The following MYCBP variants were observed in gnomAD, a reference collection of about 807,000 sequenced individuals.
The protein encoded by MYCBP is C-Myc-binding protein.
MYCBP carries 5 observed loss-of-function variants against 16.8 expected under a neutral mutation model. The observed-to-expected ratio is 0.30, with a 90% CI of 0.16 to 0.63. The LOEUF is 0.63. Among genes scored for constraint, MYCBP ranks in the 20% least tolerant of loss-of-function variants. The pLI is 0.83. For synonymous variants in MYCBP, 35 were observed against 43.7 expected (o/e 0.80, Z 0.79); for missense variants, 103 against 121.8 (o/e 0.85, Z 0.73).
At chr1:38,869,090 T>G (rs150160665) in intron 2 of MYCBP, among the ~76,000 whole-genome samples, 1,945 of 151,756 alleles carry the variant, frequency 0.013, 49 homozygotes, top group African/African-American at 0.044. Context: ...GGTTTTTTTT[T>G]TTTGTTTTTT....
rs1642301127 is a variant in MYCBP at position 38,864,660 on chromosome 1, GAGA to G, written c.*7_*9del. 1 of 1,613,716 alleles carries G rather than the reference GAGA, an allele frequency of 6.2e-7. No homozygotes were observed. Among genetic ancestry groups the G allele is most frequent in the Admixed American group, 1.7e-5 (1 of 60,018 alleles). The stretch of plus-strand genomic sequence containing the variant: ...ACCATTTTTCATTGTCTTTCAAACT[GAGA>G]AGAATCCTATTCAGCACGCTTCTCC... On this transcript the variant is annotated 3_prime_UTR_variant, in exon 5 of 5. Transcript: ENST00000397572.
Position 38,864,160 on chromosome 1 carries a change from T to C in MYCBP, c.*510A>G, listed in dbSNP as rs1407651835. 6.4e-6 allele frequency: 1 copy of C among 155,644 alleles called. No homozygotes were observed. The highest frequency in any genetic ancestry group is 2.4e-5 in the African/African-American group (1 of 41,476). 9.6% of individuals were successfully genotyped at this position (155,644 alleles called of 1,614,324 possible). ...ACACACACAGTTATCTAAGGCAAAG[T>C]GGTGGCAAAGAAGTTATTTGTTCCA... On this transcript the variant is annotated 3_prime_UTR_variant, in exon 5 of 5. Coordinates refer to ENST00000397572, the MANE Select transcript of MYCBP (RefSeq NM_012333.5).
At chr1:38,868,988 T>G (rs1570885963) in intron 2 of MYCBP, among the ~76,000 whole-genome samples, 1 of 152,302 alleles carries the variant, frequency 6.6e-6, no homozygotes, top group East Asian at 1.9e-4. Flanking sequence ...TAAACCAACT[T>G]ACATACTTCC....
intron 2 of MYCBP, among the ~76,000 whole-genome samples, chr1:38,871,416 C>T (rs1022367040): frequency 6.7e-6 from 1 of 149,854 alleles, no homozygotes; most frequent in Admixed American, 6.9e-5. Flanking sequence ...ACACACACAT[C>T]CCACCTGTCA....
intron 2 of MYCBP, among the ~76,000 whole-genome samples, chr1:38,871,454 A>G (rs964510931): frequency 1.5e-5 from 2 of 136,948 alleles, no homozygotes; most frequent in Admixed American, 7.8e-5. Flanking sequence ...TTTTGGAGAC[A>G]GAGTGTCACT....
chr1:38,864,563 C>T lies in MYCBP; in HGVS notation c.*107G>A. On this transcript the variant is annotated 3_prime_UTR_variant, in exon 5 of 5. Coordinates refer to ENST00000397572, the MANE Select transcript of MYCBP (RefSeq NM_012333.5). ...AACAGAGTGTGATAGGTGAATTAAA[C>T]ATATTAAAAGAGTTCTATAGCATCT... is the stretch of plus-strand genomic sequence containing the variant. 9.0e-7 allele frequency: 1 copy of T among 1,114,188 alleles called. No homozygotes were observed. Among genetic ancestry groups the T allele is most frequent in the Non-Finnish European group, 1.3e-6 (1 of 742,708 alleles). 69.0% of individuals were successfully genotyped at this position (1,114,188 alleles called of 1,614,324 possible).
rs1008029467 is a variant in MYCBP, at chr1:38,863,002, A to G, written c.*1668T>C. Reference sequence around the variant, plus strand: ...CCTCACGGGGCCATGCTTTATTATAATGGTCTGCCACAGGTCCTAACCCAC... The same window carrying G: ...CCTCACGGGGCCATGCTTTATTATAGTGGTCTGCCACAGGTCCTAACCCAC... On this transcript the variant is annotated 3_prime_UTR_variant, in exon 5 of 5. Transcript: ENST00000397572. The G allele has an allele frequency of 2.0e-5, 3 of 152,226 alleles. No individual in the cohort carries two copies. The highest frequency in any genetic ancestry group is 7.2e-5 in the African/African-American group (3 of 41,458). 9.4% of individuals were successfully genotyped at this position (152,226 alleles called of 1,614,324 possible).
chr1:38,863,646 C>T lies in MYCBP; in HGVS notation c.*1024G>A, dbSNP rs1181912812. On this transcript the variant is annotated 3_prime_UTR_variant, in exon 5 of 5. Transcript: ENST00000397572. ...CTCAGAGTAGTTCACTGATAATGCC[C>T]AAGGCTCTACAGTTAGTGAGTGATT... The T allele has an allele frequency of 6.6e-6, 1 of 152,594 alleles. No individual in the cohort carries two copies. The highest frequency in any genetic ancestry group is 1.5e-5 in the Non-Finnish European group (1 of 68,042). 9.5% of individuals were successfully genotyped at this position (152,594 alleles called of 1,614,324 possible).
Position 38,872,874 on chromosome 1 carries a change from C to G in MYCBP, c.88+144G>C, listed in dbSNP as rs146759219. On this transcript the variant is annotated intron_variant, in intron 2 of 4. Coordinates refer to ENST00000397572, the MANE Select transcript of MYCBP (RefSeq NM_012333.5). Reference sequence around the variant, plus strand: ...GCGGCGTCCAGCAGCCAGGTCCCTGCTGAACCCCGAGGCCCACCTCGCTGG... The same window carrying G: ...GCGGCGTCCAGCAGCCAGGTCCCTGGTGAACCCCGAGGCCCACCTCGCTGG... The G allele has an allele frequency of 9.8e-4, 918 of 936,096 alleles. 16 individuals are homozygous for G. In the East Asian group the frequency reaches 0.022, roughly 22 times the overall value. The allele number at this position is 936,096 out of a possible 1,614,324, so 58.0% of individuals were successfully genotyped here.
chr1:38,865,205 T>C (rs572369544), intron 4 of MYCBP, among the ~76,000 whole-genome samples: 1 of 152,368 alleles, frequency 6.6e-6, no homozygotes, highest in South Asian at 2.1e-4. Flanking sequence ...TTAAAATAAC[T>C]GCATTTTCTT....
Position 38,864,295 on chromosome 1 carries a change from A to G in MYCBP, c.*375T>C, listed in dbSNP as rs1244041622. 1.2e-5 allele frequency: 3 copies of G among 248,320 alleles called. No individual in the cohort carries two copies. The highest frequency in any genetic ancestry group is 6.8e-5 in the African/African-American group (3 of 43,820). 15.4% of individuals were successfully genotyped at this position (248,320 alleles called of 1,614,324 possible). A position where few individuals can be genotyped will look rare whatever the true frequency, so the allele number is the denominator to read the frequency against. On this transcript the variant is annotated 3_prime_UTR_variant, in exon 5 of 5. Transcript: ENST00000397572. ...GAATATACAGAACAGTGTCACCTTC[A>G]AAGAATGACTGTACCTGTGTTCATA...
At chr1:38,866,361 G>A (rs928265084) in intron 4 of MYCBP, among the ~76,000 whole-genome samples, 1 of 149,030 alleles carries the variant, frequency 6.7e-6, no homozygotes, top group African/African-American at 2.5e-5. Flanking sequence ...ACCTCTTCTT[G>A]ACCACACTTT....
rs1033774956 is a variant in MYCBP, at chr1:38,863,207, T to C, written c.*1463A>G. The C allele has an allele frequency of 2.6e-5, 4 of 152,240 alleles. No individual in the cohort carries two copies. The highest frequency in any genetic ancestry group is 9.6e-5 in the African/African-American group (4 of 41,458). 9.4% of individuals were successfully genotyped at this position (152,240 alleles called of 1,614,324 possible). A position where few individuals can be genotyped will look rare whatever the true frequency, so the allele number is the denominator to read the frequency against. On this transcript the variant is annotated 3_prime_UTR_variant, in exon 5 of 5. Coordinates refer to ENST00000397572, the MANE Select transcript of MYCBP (RefSeq NM_012333.5). ...TTGTGACTAGAAGAGGCACCAGCCA[T>C]AGCCACATTCCTACTAACAGGGCTG...
intron 3 of MYCBP, 113 bp downstream of exon 3, chr1:38,867,446 CAAA>C (rs11338710): frequency 0.011 from 6,528 of 616,406 alleles, no homozygotes; most frequent in South Asian, 0.016. Context: ...GACTCCGTCT[CAAA>C]AAAAAAAAAA....
rs12127597 is a variant in MYCBP at position 38,867,128 on chromosome 1, A to G, written c.138-119T>C. The G allele has an allele frequency of 2.8e-3, 2,788 of 980,992 alleles. 4 individuals carry two copies. Among genetic ancestry groups the G allele is most frequent in the Non-Finnish European group, 3.8e-3 (2,579 of 672,430 alleles). The allele number at this position is 980,992 out of a possible 1,614,324, so 60.8% of individuals were successfully genotyped here. ...CTTTACCACCAATATCTACCCAGAG[A>G]TCACCATCCAAAAACTCAAGTGAAA... On this transcript the variant is annotated intron_variant, in intron 3 of 4. Coordinates refer to ENST00000397572, the MANE Select transcript of MYCBP (RefSeq NM_012333.5).
intron 4 of MYCBP, among the ~76,000 whole-genome samples, chr1:38,866,349 G>A (rs1642338408): frequency 6.6e-6 from 1 of 151,398 alleles, no homozygotes; most frequent in South Asian, 2.1e-4. Flanking sequence ...CACCCAGCCA[G>A]AACCTCTTCT....
chr1:38,869,249 C>T (rs1293942489), intron 2 of MYCBP, among the ~76,000 whole-genome samples: 2 of 151,714 alleles, frequency 1.3e-5, no homozygotes, highest in African/African-American at 2.4e-5. Flanking sequence ...CCACCATGCC[C>T]GGCTAATTTT....
At chr1:38,872,109 G>A (rs1329487293) in intron 2 of MYCBP, among the ~76,000 whole-genome samples, 1 of 152,188 alleles carries the variant, frequency 6.6e-6, no homozygotes, top group Non-Finnish European at 1.5e-5. Flanking sequence ...CAGGAGTTAT[G>A]CTCCTAGAAT....
chr1:38,865,184 T>G (rs1222725329), intron 4 of MYCBP, among the ~76,000 whole-genome samples: 1 of 152,238 alleles, frequency 6.6e-6, no homozygotes, highest in East Asian at 1.9e-4. Context: ...CATTGTGGAA[T>G]CTTGGATAAT....
Sources: gnomAD v4.1 joint callset for allele counts (sites outside exome capture counted in the v4.1 genomes callset) on GRCh38, gnomAD v4.1.1 for gene constraint, MANE v1.5 for transcripts, NCBI Gene and HGNC (gene_info 2026-07-23, HGNC 2026-07-21) for gene names.